The following DCHS2 variants were observed in gnomAD, a reference collection of about 807,000 sequenced individuals.
DCHS2 encodes dachsous cadherin-related 2, also known as protocadherin-23.
DCHS2 carries 142 observed loss-of-function variants against 182.4 expected under a neutral mutation model. That is an observed-to-expected ratio of 0.78 (90% confidence interval 0.68 to 0.89). DCHS2 has a LOEUF of 0.89. Among genes scored for constraint, DCHS2 ranks in the 40% least tolerant of loss-of-function variants. The probability of loss-of-function intolerance (pLI) is 0.00; values close to 1 mark genes in which losing one functional copy is unlikely to be tolerated. For synonymous variants in DCHS2, 1,740 were observed against 1,663.3 expected, an observed-to-expected ratio of 1.05 and a Z score of -1.12; for missense variants, 4,319 against 4,198.6, an observed-to-expected ratio of 1.03 and a Z score of -0.79.
rs769621013 is a variant in DCHS2 at position 154,255,519 on chromosome 4, C to G, written c.6941G>C (p.Ser2314Thr). 1 of 1,613,018 alleles carries G rather than the reference C, an allele frequency of 6.2e-7. No individual in the cohort carries two copies. The highest frequency in any genetic ancestry group is 1.3e-5 in the African/African-American group (1 of 74,914). The change falls in exon 16 of 20, where the codon AGC (serine) becomes ACC (threonine). Residue 2314 changes from serine to threonine, a missense_variant and splice_region_variant. By Grantham distance (58) the Ser-to-Thr change is moderately conservative (BLOSUM62 1). Transcript: ENST00000357232. ...ILDYELTSSY[S>T]LIVQATDKGM... ...CAATGGATCTGAACCCTGGACCAAC[C>G]TGTAGGAGCTGGTGAGCTCGTAATC...
chr4:154,323,404 A>C (rs746190913), intron 7 of DCHS2: 1 of 1,527,976 alleles, frequency 6.5e-7, no homozygotes, highest in Non-Finnish European at 8.8e-7. Context: ...ATGATAGCTC[A>C]CTGCAGCCTG....
intron 1 of DCHS2, among the ~76,000 whole-genome samples, chr4:154,422,662 CAA>C (rs1733160695): frequency 6.6e-6 from 1 of 152,174 alleles, no homozygotes; most frequent in African/African-American, 2.4e-5. Flanking sequence ...GCATAAAAAT[CAA>C]AGTCTTCTAT....
intron 1 of DCHS2, among the ~76,000 whole-genome samples, chr4:154,470,460 C>A (rs2111016635): frequency 6.7e-6 from 1 of 148,598 alleles, no homozygotes; most frequent in Non-Finnish European, 1.5e-5. Context: ...TGTACTTCAG[C>A]CTGGGTGACA....
At chr4:154,380,399 C>A (rs180734378) in intron 1 of DCHS2, among the ~76,000 whole-genome samples, 34 of 152,192 alleles carry the variant, frequency 2.2e-4, no homozygotes, top group Admixed American at 5.9e-4. Flanking sequence ...TACATTTGGT[C>A]TATTCTATTC....
chr4:154,335,213 T>C (rs1728739581), intron 3 of DCHS2, 109 bp from the exon 4 acceptor site: 6 of 767,802 alleles, frequency 7.8e-6, no homozygotes, highest in Non-Finnish European at 1.3e-5. Flanking sequence ...ATTTTATGTG[T>C]TAACTGGGCC....
intron 7 of DCHS2, among the ~76,000 whole-genome samples, chr4:154,327,100 A>AT (rs1736313534): frequency 6.6e-6 from 1 of 151,950 alleles, no homozygotes; most frequent in Non-Finnish European, 1.5e-5. Flanking sequence ...TTATATTGGA[A>AT]TTTTTTCTAT....
chr4:154,412,449 G>A (rs1404757043), intron 1 of DCHS2, among the ~76,000 whole-genome samples: 3 of 152,034 alleles, frequency 2.0e-5, no homozygotes, highest in South Asian at 2.1e-4. Flanking sequence ...GGAAGAGAAG[G>A]AAATGTTTCC....
chr4:154,357,189 C>G (rs933325949), intron 3 of DCHS2: 6 of 1,481,560 alleles, frequency 4.0e-6, no homozygotes, highest in East Asian at 4.5e-5. Context: ...GCTTCTGACT[C>G]TGGCTTTTTT....
chr4:154,393,498 T>C (rs956567791), intron 1 of DCHS2, among the ~76,000 whole-genome samples: 1 of 152,236 alleles, frequency 6.6e-6, no homozygotes, highest in Non-Finnish European at 1.5e-5. Flanking sequence ...AGATGTTGTA[T>C]TTCATGGTGT....
chr4:154,287,188 G>C (rs1734442616), intron 13 of DCHS2, among the ~76,000 whole-genome samples: 1 of 152,150 alleles, frequency 6.6e-6, no homozygotes, highest in African/African-American at 2.4e-5. Flanking sequence ...CACCAGACCT[G>C]TCTTACAAGA....
intron 1 of DCHS2, among the ~76,000 whole-genome samples, chr4:154,386,139 T>C (rs1254260032): frequency 2.0e-5 from 3 of 152,200 alleles, no homozygotes; most frequent in Non-Finnish European, 4.4e-5. Context: ...AGATACTGTC[T>C]AAAATGACAC....
intron 1 of DCHS2, among the ~76,000 whole-genome samples, chr4:154,386,287 G>T (rs1731413932): frequency 6.6e-6 from 1 of 152,058 alleles, no homozygotes; most frequent in African/African-American, 2.4e-5. Context: ...ACTCCCCTCT[G>T]GACACAGTGG....
intron 3 of DCHS2, among the ~76,000 whole-genome samples, chr4:154,340,795 C>T (rs578051045): frequency 6.6e-6 from 1 of 152,116 alleles, no homozygotes; most frequent in Non-Finnish European, 1.5e-5. Flanking sequence ...ACAAATGTAA[C>T]CTTTTCAAGA....
rs570518556 is a variant in DCHS2, at chr4:154,256,350, G to C, written c.6790-680C>G. ...GGGTTTTCCCATTTTGCCCAGGCTG[G>C]TCTTGAACTCCTGGGCTCAAGCGAT... is the stretch of plus-strand genomic sequence containing the variant. On this transcript the variant is annotated intron_variant, in intron 15 of 19. Transcript: ENST00000357232. Among the ~76,000 whole-genome samples the C allele has an allele frequency of 3.9e-5, 6 of 152,150 alleles. No individual in the cohort carries two copies. In the South Asian group the frequency reaches 1.0e-3, roughly 26 times the overall value.
chr4:154,328,806 T>G (rs1249839772), intron 6 of DCHS2, among the ~76,000 whole-genome samples: 1 of 152,214 alleles, frequency 6.6e-6, no homozygotes, highest in East Asian at 1.9e-4. Flanking sequence ...CAGTTTAAAG[T>G]TATGAGTTCC....
chr4:154,432,931 C>CTA (rs1560755076), intron 1 of DCHS2, among the ~76,000 whole-genome samples: 1 of 151,542 alleles, frequency 6.6e-6, no homozygotes, highest in Non-Finnish European at 1.5e-5. Context: ...ATCTCTCTCT[C>CTA]TATATATATA....
chr4:154,401,917 C>T (rs1579049722), intron 1 of DCHS2, among the ~76,000 whole-genome samples: 1 of 152,294 alleles, frequency 6.6e-6, no homozygotes, highest in East Asian at 1.9e-4. Flanking sequence ...TCGCTTGAAC[C>T]CAGGAGGTGG....
At chr4:154,476,597 G>A (rs12508299) in intron 1 of DCHS2, among the ~76,000 whole-genome samples, 34,099 of 152,096 alleles carry the variant, frequency 0.22, 4,885 homozygotes, top group East Asian at 0.65. Flanking sequence ...ACCATGCAGG[G>A]CATTTCATTT....
chr4:154,287,241 A>G (rs1422956005), intron 13 of DCHS2, among the ~76,000 whole-genome samples: 2 of 152,204 alleles, frequency 1.3e-5, no homozygotes, highest in African/African-American at 2.4e-5. Context: ...AAGGACATTA[A>G]TGAGTAATAA....
Sources: allele counts gnomAD v4.1 joint callset (sites outside exome capture counted in the v4.1 genomes callset), GRCh38; gene constraint gnomAD v4.1.1; transcripts MANE v1.5; gene names NCBI Gene and HGNC (gene_info 2026-07-23, HGNC 2026-07-21).